Variants in TNR observed in about 807,000 individuals in gnomAD.
TNR encodes the protein tenascin R.
Under a neutral mutation model 150.4 loss-of-function variants are expected in TNR, and 45 were observed. That is an observed-to-expected ratio of 0.30 (90% CI 0.24 to 0.38). The LOEUF (loss-of-function observed/expected upper bound fraction) is 0.38. TNR is among the 10% of genes least tolerant of loss of function. The probability of loss-of-function intolerance (pLI) is 1.00; values close to 1 mark genes in which losing one functional copy is unlikely to be tolerated. For missense variants in TNR, 1,544 were observed against 1,759.1 expected (o/e 0.88, Z 2.19); for synonymous variants, 687 against 678.4 (o/e 1.01, Z -0.20).
chr1:175,471,588 A>G (rs1357977256), intron 2 of TNR, among the ~76,000 whole-genome samples: 1 of 152,200 alleles, frequency 6.6e-6, no homozygotes, highest in African/African-American at 2.4e-5. Context: ...GATTTAAAAA[A>G]TGGTACATCT....
At chr1:175,454,531 C>T (rs573096090) in intron 2 of TNR, among the ~76,000 whole-genome samples, 19 of 152,216 alleles carry the variant, frequency 1.2e-4, no homozygotes, top group South Asian at 8.3e-4. Flanking sequence ...AGTGCAATGG[C>T]GCAATCTCGG....
At chr1:175,332,925 G>A (rs1479139270) in intron 20 of TNR, among the ~76,000 whole-genome samples, 1 of 152,110 alleles carries the variant, frequency 6.6e-6, no homozygotes, top group Non-Finnish European at 1.5e-5. Context: ...TTGAATAATA[G>A]GAAGAAAGGT....
intron 20 of TNR, among the ~76,000 whole-genome samples, chr1:175,331,103 CTCTCTCTTTCT>C (rs1649851706): frequency 3.6e-5 from 2 of 55,836 alleles, no homozygotes; most frequent in Non-Finnish European, 7.5e-5. Flanking sequence ...CTTTCTTTCT[CTCTCTCTTTCT>C]TTTCTTTCTT....
In TNR at chr1:175,629,920, C is replaced by T. The variant is rs572423817; in HGVS notation, c.-164-101551G>A. 1.2e-4 allele frequency among the ~76,000 whole-genome samples: 19 copies of T among 152,268 alleles called. No homozygotes were observed. In the South Asian group the frequency reaches 3.5e-3, roughly 28 times the overall value. The stretch of plus-strand genomic sequence containing the variant: ...AATAAAAGCGGTGATAGTTGAGGCA[C>T]GGCTCTTCATTGTACAAATAAGTTA... On this transcript the variant is annotated intron_variant, in intron 1 of 22. Transcript: ENST00000367674.
At chr1:175,595,368 C>A (rs1308041326) in intron 1 of TNR, among the ~76,000 whole-genome samples, 2 of 152,136 alleles carry the variant, frequency 1.3e-5, no homozygotes, top group South Asian at 4.1e-4. Flanking sequence ...ACTAAAGGAG[C>A]CTTTCACATT....
At chr1:175,682,601 A>G (rs1317605897) in intron 1 of TNR, among the ~76,000 whole-genome samples, 1 of 152,134 alleles carries the variant, frequency 6.6e-6, no homozygotes, top group African/African-American at 2.4e-5. Context: ...CCTTATGATC[A>G]CGCCTTATGA....
At chr1:175,736,646 A>T (rs966718030) in intron 1 of TNR, among the ~76,000 whole-genome samples, 2 of 152,078 alleles carry the variant, frequency 1.3e-5, no homozygotes, top group Non-Finnish European at 2.9e-5. Context: ...TTGCTTCTTG[A>T]TGCCTTTGCC....
intron 2 of TNR, among the ~76,000 whole-genome samples, chr1:175,431,403 T>C (rs1474162397): frequency 1.3e-5 from 2 of 152,242 alleles, no homozygotes; most frequent in Non-Finnish European, 2.9e-5. Flanking sequence ...GTGATAATAA[T>C]GTAAAACAGA....
At chr1:175,398,585 A>G (rs1379306057) in intron 4 of TNR, among the ~76,000 whole-genome samples, 1 of 152,218 alleles carries the variant, frequency 6.6e-6, no homozygotes, top group East Asian at 1.9e-4. Flanking sequence ...AGCACTTATT[A>G]TGTACCAAGT....
chr1:175,469,517 G>T lies in TNR; in HGVS notation c.-64+58752C>A, dbSNP rs142634038. 1.0e-3 allele frequency among the ~76,000 whole-genome samples: 152 copies of T among 152,122 alleles called. 2 individuals are homozygous for T. In the East Asian group the frequency reaches 0.027, roughly 27 times the overall value. On this transcript the variant is annotated intron_variant, in intron 2 of 22. Coordinates refer to ENST00000367674, the MANE Select transcript of TNR (RefSeq NM_003285.3). ...ATAAACAGAAATTTATCAAGCAGGG[G>T]ACTGAGGTTGGCATGTGGGTTAGCA...
At chr1:175,643,839 G>A (rs551684525) in intron 1 of TNR, among the ~76,000 whole-genome samples, 1 of 152,246 alleles carries the variant, frequency 6.6e-6, no homozygotes, top group South Asian at 2.1e-4. Flanking sequence ...TAGTTCCAAA[G>A]GGGAAAACAA....
intron 1 of TNR, among the ~76,000 whole-genome samples, chr1:175,531,644 T>G (rs1460281504): frequency 1.3e-5 from 2 of 152,190 alleles, no homozygotes; most frequent in Admixed American, 6.5e-5. Context: ...AGTAAATGGG[T>G]GTGTTCTTTC....
At chr1:175,429,617 C>A (rs35014184) in intron 2 of TNR, among the ~76,000 whole-genome samples, 1 of 152,128 alleles carries the variant, frequency 6.6e-6, no homozygotes, top group Non-Finnish European at 1.5e-5. Context: ...AACCAAAGGG[C>A]CTTCTTTTAA....
At chr1:175,436,707 C>CA (rs1655528228) in intron 2 of TNR, among the ~76,000 whole-genome samples, 2 of 151,576 alleles carry the variant, frequency 1.3e-5, no homozygotes, top group African/African-American at 4.8e-5. Flanking sequence ...AATGGAAAAC[C>CA]AAAAAAAGGC....
chr1:175,640,311 C>G (rs17377617), intron 1 of TNR, among the ~76,000 whole-genome samples: 12,050 of 152,246 alleles, frequency 0.079, 516 homozygotes, highest in Non-Finnish European at 0.096. Flanking sequence ...TTGAGCACAT[C>G]CTTTCAGAAT....
chr1:175,334,395 G>A (rs1027925609), intron 20 of TNR, among the ~76,000 whole-genome samples: 1 of 152,188 alleles, frequency 6.6e-6, no homozygotes, highest in Admixed American at 6.5e-5. Flanking sequence ...CTAACGAAAG[G>A]CCAAGAGATT....
intron 15 of TNR, among the ~76,000 whole-genome samples, chr1:175,357,141 C>A (rs1385252331): frequency 6.6e-6 from 1 of 152,134 alleles, no homozygotes; most frequent in Non-Finnish European, 1.5e-5. Flanking sequence ...CAGAGCTTTG[C>A]ATTTATTTCT....
intron 1 of TNR, among the ~76,000 whole-genome samples, chr1:175,608,520 G>A (rs1663484984): frequency 6.6e-6 from 1 of 152,172 alleles, no homozygotes; most frequent in Non-Finnish European, 1.5e-5. Flanking sequence ...AAGATATAAG[G>A]CAAAAGGCTG....
At chr1:175,504,741 G>C (rs544561597) in intron 2 of TNR, among the ~76,000 whole-genome samples, 24 of 152,342 alleles carry the variant, frequency 1.6e-4, no homozygotes, top group Middle Eastern at 3.4e-3. Flanking sequence ...GTGGTTATCA[G>C]AACTGGTTCC....
Sources: gnomAD v4.1 joint callset for allele counts (sites outside exome capture counted in the v4.1 genomes callset) on GRCh38, gnomAD v4.1.1 for gene constraint, MANE v1.5 for transcripts, NCBI Gene and HGNC (gene_info 2026-07-23, HGNC 2026-07-21) for gene names.